SNX29: variants seen among roughly 807,000 people sequenced by gnomAD.
The protein encoded by SNX29 is sorting nexin-29.
In SNX29, 78 loss-of-function variants were observed where a neutral mutation model predicts 102.1. The observed-to-expected ratio is 0.76, with a 90% CI of 0.64 to 0.92. SNX29 has a LOEUF of 0.92. Ranked by LOEUF, SNX29 falls within the 40% of genes least tolerant of loss-of-function variation. The probability of loss-of-function intolerance (pLI) is 0.00; values close to 1 mark genes in which losing one functional copy is unlikely to be tolerated. For missense variants in SNX29, 1,280 were observed against 1,061.7 expected (o/e 1.21, Z -2.86); for synonymous variants, 580 against 414.5 (o/e 1.40, Z -4.85).
At chr16:12,267,556 G>A (rs2078964926) in intron 14 of SNX29, among the ~76,000 whole-genome samples, 1 of 152,130 alleles carries the variant, frequency 6.6e-6, no homozygotes, top group African/African-American at 2.4e-5. Flanking sequence ...ATTTGTGTTT[G>A]TGCTGGAGCC....
intron 7 of SNX29, among the ~76,000 whole-genome samples, chr16:12,049,112 C>G (rs868386541): frequency 1.3e-5 from 2 of 152,108 alleles, no homozygotes; most frequent in Non-Finnish European, 2.9e-5. Flanking sequence ...TGCCATTGGT[C>G]TTGCCTCTGA....
chr16:12,555,256 C>G lies in SNX29; in HGVS notation c.2319-13250C>G, dbSNP rs186125023. On this transcript the variant is annotated intron_variant, in intron 20 of 20. Coordinates refer to ENST00000566228, the MANE Select transcript of SNX29 (RefSeq NM_032167.5). ...AATGGAGGTGAGAGATGAGGGTGCT[C>G]AAACCCAGGGTATGACCTCCCAGAG... Among the ~76,000 whole-genome samples, 36 of 151,158 alleles carry G rather than the reference C, an allele frequency of 2.4e-4. 1 individual carries two copies. The highest frequency in any genetic ancestry group is 4.9e-4 in the African/African-American group (20 of 41,226).
At chr16:12,186,294 C>T (rs796669675) in intron 13 of SNX29, among the ~76,000 whole-genome samples, 2 of 152,258 alleles carry the variant, frequency 1.3e-5, no homozygotes, top group African/African-American at 2.4e-5. Flanking sequence ...AAAAAAAGAA[C>T]TCCCATGTGC....
intron 15 of SNX29, among the ~76,000 whole-genome samples, chr16:12,332,949 C>T (rs917189601): frequency 6.6e-6 from 1 of 151,864 alleles, no homozygotes; most frequent in Non-Finnish European, 1.5e-5. Context: ...CCTGCTCGTG[C>T]GGTTAGTGTG....
At chr16:12,564,360 C>T (rs896044803) in intron 20 of SNX29, among the ~76,000 whole-genome samples, 4 of 152,006 alleles carry the variant, frequency 2.6e-5, no homozygotes, top group Non-Finnish European at 4.4e-5. Flanking sequence ...TCAAAGGAGC[C>T]AAATCTATTT....
chr16:12,470,980 A>T (rs113673875), intron 18 of SNX29, among the ~76,000 whole-genome samples: 7,416 of 152,208 alleles, frequency 0.049, 591 homozygotes, highest in African/African-American at 0.17. Flanking sequence ...TGTCATCCCC[A>T]GGGTCACAGC....
chr16:12,546,825 G>C (rs139078538), intron 20 of SNX29: 105 of 152,296 alleles, frequency 6.9e-4, no homozygotes, highest in African/African-American at 2.2e-3. Context: ...CAAAATATAT[G>C]AAAATAAAGG....
chr16:12,172,460 C>G (rs2076170389), intron 13 of SNX29, among the ~76,000 whole-genome samples: 1 of 152,112 alleles, frequency 6.6e-6, no homozygotes, highest in Non-Finnish European at 1.5e-5. Context: ...TGGGTGGGAT[C>G]CCACCTCTAC....
intron 19 of SNX29, among the ~76,000 whole-genome samples, chr16:12,522,893 C>G (rs1220737500): frequency 1.3e-5 from 2 of 152,214 alleles, no homozygotes; most frequent in Non-Finnish European, 2.9e-5. Flanking sequence ...GCACCGTGCA[C>G]TCTACCTCTC....
At chr16:12,378,354 G>C (rs6498280) in intron 16 of SNX29, among the ~76,000 whole-genome samples, 75,187 of 151,980 alleles carry the variant, frequency 0.49, 18,834 homozygotes, top group East Asian at 0.59. Context: ...CCAGCTCTTG[G>C]AGAAATAAAT....
chr16:12,185,807 G>A (rs1175138153), intron 13 of SNX29, among the ~76,000 whole-genome samples: 1 of 152,156 alleles, frequency 6.6e-6, no homozygotes, highest in Non-Finnish European at 1.5e-5. Flanking sequence ...TGCAGCAGTC[G>A]CAGTCCCCAG....
intron 19 of SNX29, among the ~76,000 whole-genome samples, chr16:12,483,876 A>G (rs563967116): frequency 1.3e-5 from 2 of 152,308 alleles, no homozygotes; most frequent in East Asian, 1.9e-4. Context: ...GATACATGGA[A>G]ATTCCACTTG....
chr16:12,438,902 G>C (rs531150368), intron 18 of SNX29, among the ~76,000 whole-genome samples: 46 of 152,324 alleles, frequency 3.0e-4, no homozygotes, highest in African/African-American at 1.1e-3. Flanking sequence ...AGATCTACCT[G>C]GCTGCAGAGA....
At chr16:12,566,371 C>G (rs187235420) in intron 20 of SNX29, among the ~76,000 whole-genome samples, 3 of 152,194 alleles carry the variant, frequency 2.0e-5, no homozygotes, top group East Asian at 1.9e-4. Flanking sequence ...CCTCTCCCAA[C>G]CAACAAGGCA....
intron 19 of SNX29, among the ~76,000 whole-genome samples, chr16:12,500,437 C>G (rs1263732547): frequency 6.6e-6 from 1 of 152,212 alleles, no homozygotes; most frequent in Admixed American, 6.5e-5. Context: ...AGGGCTGGGA[C>G]TTCTGACAGG....
intron 16 of SNX29, among the ~76,000 whole-genome samples, chr16:12,396,211 G>C (rs1005657903): frequency 1.3e-5 from 2 of 152,172 alleles, no homozygotes; most frequent in East Asian, 3.8e-4. Flanking sequence ...TCCAGAATTA[G>C]TCATTTTTGA....
At chr16:12,334,336 T>C (rs1365857958) in intron 15 of SNX29, among the ~76,000 whole-genome samples, 2 of 152,144 alleles carry the variant, frequency 1.3e-5, no homozygotes, top group Non-Finnish European at 2.9e-5. Context: ...GACTTTGAGG[T>C]CTGGGGCTTC....
intron 13 of SNX29, among the ~76,000 whole-genome samples, chr16:12,159,819 C>A (rs1211186407): frequency 1.3e-5 from 2 of 152,190 alleles, no homozygotes; most frequent in Non-Finnish European, 2.9e-5. Context: ...AAGAGAGGGA[C>A]AGGAAGTACA....
Position 12,572,379 on chromosome 16 carries a change from C to A in SNX29, c.*3750C>A. The A allele has an allele frequency of 4.7e-6, 5 of 1,062,964 alleles. No homozygotes were observed. Among genetic ancestry groups the A allele is most frequent in the Non-Finnish European group, 5.7e-6 (5 of 877,766 alleles). 65.8% of individuals were successfully genotyped at this position (1,062,964 alleles called of 1,614,324 possible). ...AGCAGGCTCTGCCTTCTGGAGGCGG[C>A]TTATATCCCAACAGCCTGAGGCAGG... On this transcript the variant is annotated 3_prime_UTR_variant, in exon 21 of 21. Transcript: ENST00000566228.
Sources: allele counts gnomAD v4.1 joint callset (sites outside exome capture counted in the v4.1 genomes callset), GRCh38; gene constraint gnomAD v4.1.1; transcripts MANE v1.5; gene names NCBI Gene and HGNC (gene_info 2026-07-23, HGNC 2026-07-21).